EXOC6B: variants seen among roughly 807,000 people sequenced by gnomAD.
The protein encoded by EXOC6B is SEC15 homolog B.
In EXOC6B, 54 loss-of-function variants were observed where a neutral mutation model predicts 113.5. That is an observed-to-expected ratio of 0.48 (90% CI 0.38 to 0.60). EXOC6B has a LOEUF of 0.60. Ranked by LOEUF, EXOC6B falls within the 20% of genes least tolerant of loss-of-function variation. The pLI is 0.00. For missense variants in EXOC6B, 797 were observed against 977.5 expected (o/e 0.82, Z 2.46); for synonymous variants, 357 against 339.0 (o/e 1.05, Z -0.58).
chr2:72,596,272 A>G (rs1015642741), intron 6 of EXOC6B, among the ~76,000 whole-genome samples: 6 of 152,164 alleles, frequency 3.9e-5, no homozygotes, highest in African/African-American at 1.4e-4. Context: ...GCTTCCCAGA[A>G]AATTAGAGAG....
At chr2:72,425,533 C>A (rs887949288) in intron 18 of EXOC6B, among the ~76,000 whole-genome samples, 1 of 152,112 alleles carries the variant, frequency 6.6e-6, no homozygotes, top group African/African-American at 2.4e-5. Flanking sequence ...AAAGATGAAG[C>A]AATCAGCATA....
At chr2:72,551,261 G>A (rs367678897) in intron 8 of EXOC6B, among the ~76,000 whole-genome samples, 10 of 152,066 alleles carry the variant, frequency 6.6e-5, no homozygotes, top group Middle Eastern at 3.4e-3. Context: ...GCAGTGGCGC[G>A]ATCTCGGCTC....
At chr2:72,249,954 C>T (rs1682903113) in intron 20 of EXOC6B, among the ~76,000 whole-genome samples, 1 of 152,154 alleles carries the variant, frequency 6.6e-6, no homozygotes. Flanking sequence ...GTAACTCAAT[C>T]CTGATTTACT....
intron 20 of EXOC6B, among the ~76,000 whole-genome samples, chr2:72,216,888 C>T (rs1680569569): frequency 6.6e-6 from 1 of 151,948 alleles, no homozygotes; most frequent in Non-Finnish European, 1.5e-5. Context: ...ACAAAACACA[C>T]CGGGGCCTGT....
At chr2:72,760,893 T>C (rs2104898016) in intron 1 of EXOC6B, among the ~76,000 whole-genome samples, 1 of 152,114 alleles carries the variant, frequency 6.6e-6, no homozygotes, top group East Asian at 1.9e-4. Context: ...AAAAATGACA[T>C]ATGATGCCAG....
intron 17 of EXOC6B, among the ~76,000 whole-genome samples, chr2:72,474,660 TG>T (rs1698626225): frequency 2.6e-5 from 4 of 152,118 alleles, no homozygotes; most frequent in Admixed American, 1.3e-4. Flanking sequence ...TATCATGCAT[TG>T]TTTTTCTGAT....
chr2:72,508,752 T>C (rs1700744223), intron 11 of EXOC6B, among the ~76,000 whole-genome samples: 1 of 151,914 alleles, frequency 6.6e-6, no homozygotes, highest in African/African-American at 2.4e-5. Flanking sequence ...CCAGCCTGGG[T>C]GACAGGCAAG....
chr2:72,644,905 A>G (rs1673576062), intron 6 of EXOC6B, among the ~76,000 whole-genome samples: 2 of 152,184 alleles, frequency 1.3e-5, no homozygotes, highest in Admixed American at 1.3e-4. Context: ...ACCAGCTAAC[A>G]TCATAATGAC....
At chr2:72,516,873 A>G (rs545790926) in intron 8 of EXOC6B, among the ~76,000 whole-genome samples, 4 of 152,346 alleles carry the variant, frequency 2.6e-5, no homozygotes, top group Non-Finnish European at 4.4e-5. Flanking sequence ...TTAAAAATAA[A>G]TAAGATAAAA....
At chr2:72,726,870 G>A (rs994291058) in intron 5 of EXOC6B, among the ~76,000 whole-genome samples, 6 of 152,012 alleles carry the variant, frequency 3.9e-5, no homozygotes, top group Non-Finnish European at 5.9e-5. Flanking sequence ...CAACTATATT[G>A]ATCAAAAATA....
chr2:72,526,575 T>C, intron 8 of EXOC6B, among the ~76,000 whole-genome samples: 1 of 151,910 alleles, frequency 6.6e-6, no homozygotes, highest in East Asian at 1.9e-4. Context: ...TAAGTGAGGG[T>C]TGGGGAAATC....
chr2:72,406,777 C>T (rs577208907), intron 18 of EXOC6B, among the ~76,000 whole-genome samples: 8 of 152,250 alleles, frequency 5.3e-5, no homozygotes, highest in African/African-American at 1.9e-4. Flanking sequence ...GACACCCTAA[C>T]ATCACAATTA....
At chr2:72,233,280 G>A (rs1681746098) in intron 20 of EXOC6B, among the ~76,000 whole-genome samples, 1 of 152,082 alleles carries the variant, frequency 6.6e-6, no homozygotes, top group Non-Finnish European at 1.5e-5. Context: ...CCATGTGATG[G>A]AGAGGAAAGG....
chr2:72,815,470 A>C (rs776240131), intron 1 of EXOC6B, among the ~76,000 whole-genome samples: 26 of 151,686 alleles, frequency 1.7e-4, no homozygotes, highest in Non-Finnish European at 3.4e-4. Flanking sequence ...AGCCAGGACA[A>C]GAGAGGGAGA....
At chr2:72,397,625 AAAAATAAAATAAAAT>A (rs1553396399) in intron 18 of EXOC6B, among the ~76,000 whole-genome samples, 5 of 104,174 alleles carry the variant, frequency 4.8e-5, no homozygotes, top group Admixed American at 2.5e-4. Context: ...CTCAAAAAAA[AAAAATAAAATAAAAT>A]AAAATAAAAT....
At chr2:72,316,405 G>A (rs574494077) in intron 20 of EXOC6B, among the ~76,000 whole-genome samples, 1 of 152,226 alleles carries the variant, frequency 6.6e-6, no homozygotes, top group East Asian at 1.9e-4. Context: ...TAGGTTCCAG[G>A]AACTGCCACC....
chr2:72,701,117 G>A (rs923518519), intron 6 of EXOC6B, among the ~76,000 whole-genome samples: 3 of 151,994 alleles, frequency 2.0e-5, no homozygotes, highest in Non-Finnish European at 4.4e-5. Context: ...GCTGAGGAAG[G>A]TGGATCATGA....
chr2:72,262,825 A>G (rs1683821143), intron 20 of EXOC6B, among the ~76,000 whole-genome samples: 1 of 152,218 alleles, frequency 6.6e-6, no homozygotes, highest in South Asian at 2.1e-4. Flanking sequence ...ACTGCAAATC[A>G]ATAAGACAAA....
intron 6 of EXOC6B, among the ~76,000 whole-genome samples, chr2:72,669,430 G>GTT (rs138748940): frequency 3.4e-5 from 5 of 148,056 alleles, no homozygotes; most frequent in African/African-American, 4.9e-5. Context: ...CATTTTCAGA[G>GTT]TTTTTTTTTT....
Sources: allele counts gnomAD v4.1 joint callset (sites outside exome capture counted in the v4.1 genomes callset), GRCh38; gene constraint gnomAD v4.1.1; transcripts MANE v1.5; gene names NCBI Gene and HGNC (gene_info 2026-07-23, HGNC 2026-07-21).